Variants in TMTC4 observed in about 807,000 individuals in gnomAD.
The protein encoded by TMTC4 is transmembrane O-mannosyltransferase targeting cadherins 4.
In TMTC4, 65 loss-of-function variants were observed where a neutral mutation model predicts 86.0. The observed-to-expected ratio is 0.76, with a 90% confidence interval of 0.62 to 0.93. TMTC4 has a LOEUF of 0.93. Among genes scored for constraint, TMTC4 ranks in the 40% least tolerant of loss-of-function variants. The probability of loss-of-function intolerance (pLI) is 0.00; values close to 1 mark genes in which losing one functional copy is unlikely to be tolerated. For missense variants in TMTC4, 866 were observed against 948.1 expected (o/e 0.91, Z 1.14); for synonymous variants, 379 against 382.5 (o/e 0.99, Z 0.11).
chr13:100,623,019 G>T (rs1052955033), intron 15 of TMTC4, among the ~76,000 whole-genome samples: 15 of 152,126 alleles, frequency 9.9e-5, no homozygotes, highest in Non-Finnish European at 1.8e-4. Flanking sequence ...AACAAAGACA[G>T]TAAGACCAAA....
At chr13:100,635,321 G>A (rs911127081) in intron 10 of TMTC4, 126 bp from the exon 11 acceptor site, 1 of 1,076,564 alleles carries the variant, frequency 9.3e-7, no homozygotes, top group Non-Finnish European at 1.3e-6. Flanking sequence ...AAAAGATATT[G>A]TTGTCAGCCA....
chr13:100,628,174 A>G (rs1008474744), intron 12 of TMTC4, among the ~76,000 whole-genome samples: 18 of 152,248 alleles, frequency 1.2e-4, no homozygotes, highest in African/African-American at 2.9e-4. Flanking sequence ...GAGTTCTTTC[A>G]TTTTGCAAAT....
At chr13:100,672,471 G>C (rs138151163) in intron 1 of TMTC4, among the ~76,000 whole-genome samples, 1 of 152,236 alleles carries the variant, frequency 6.6e-6, no homozygotes, top group African/African-American at 2.4e-5. Flanking sequence ...TGGCAGAGAC[G>C]GGGGACCACC....
At chr13:100,612,662 C>T in intron 16 of TMTC4, 152 bp from the exon 17 acceptor site, 1 of 245,692 alleles carries the variant, frequency 4.1e-6, no homozygotes, top group Non-Finnish European at 8.2e-6. Context: ...AATACACACA[C>T]ACACACACAC....
At chr13:100,640,931 G>A (rs568267654) in intron 7 of TMTC4, among the ~76,000 whole-genome samples, 2 of 152,070 alleles carry the variant, frequency 1.3e-5, no homozygotes, top group African/African-American at 2.4e-5. Context: ...AAACTGGTTA[G>A]AATGGAGAAA....
chr13:100,668,456 A>G, intron 3 of TMTC4, 123 bp downstream of exon 3: 2 of 962,132 alleles, frequency 2.1e-6, no homozygotes, highest in Non-Finnish European at 3.1e-6. Context: ...AATCGAGAGC[A>G]CCATCGGGGC....
Position 100,651,072 on chromosome 13 carries a change from T to G in TMTC4, c.640+5309A>C, listed in dbSNP as rs536102688. Among the ~76,000 whole-genome samples the G allele has an allele frequency of 1.2e-3, 177 of 152,296 alleles. No homozygotes were observed. The Middle Eastern group carries it at 0.014, about 12-fold the overall frequency. On this transcript the variant is annotated intron_variant, in intron 6 of 18. Coordinates refer to ENST00000342624, the MANE Select transcript of TMTC4 (RefSeq NM_032813.5). ...ATATTATGAGTAAGAATTTAGAACT[T>G]AAAATGGTTGTTCTAGGTATATAGA...
At chr13:100,617,127 AT>A (rs35707709) in intron 15 of TMTC4, among the ~76,000 whole-genome samples, 115 of 147,654 alleles carry the variant, frequency 7.8e-4, no homozygotes, top group Admixed American at 1.3e-3. Context: ...TTCTTCTAGG[AT>A]TTTTTTTTTT....
chr13:100,653,251 T>C (rs1329406784), intron 6 of TMTC4, among the ~76,000 whole-genome samples: 1 of 152,056 alleles, frequency 6.6e-6, no homozygotes, highest in Non-Finnish European at 1.5e-5. Flanking sequence ...GTATGGAAAA[T>C]CAGAAACAGA....
rs1876588734 is a variant in TMTC4, at chr13:100,606,339, A to G, written c.2134+19T>C. On this transcript the variant is annotated intron_variant, in intron 18 of 18. Transcript: ENST00000342624. The stretch of plus-strand genomic sequence containing the variant: ...AGTAACAAAATTTCAACACGATTCA[A>G]GTTGAACATTTTTCTTACCCAAATT... 3 of 1,608,612 alleles carry G rather than the reference A, an allele frequency of 1.9e-6. No homozygotes were observed. Among genetic ancestry groups the G allele is most frequent in the Admixed American group, 1.7e-5 (1 of 59,796 alleles).
rs900593929 is a variant in TMTC4 at position 100,625,739 on chromosome 13, G to A, written c.1694+46C>T. On this transcript the variant is annotated intron_variant, in intron 14 of 18. Transcript: ENST00000342624. ...GAAAGGCTTAGATGCCGGAATGCAGGAGCTCCTTTCTTTGTCACTAGCATA... is the reference window on the plus strand; with the variant it reads ...GAAAGGCTTAGATGCCGGAATGCAGAAGCTCCTTTCTTTGTCACTAGCATA... 5 of 1,609,378 alleles carry A rather than the reference G, an allele frequency of 3.1e-6. No individual in the cohort carries two copies. The African/African-American group carries it at 6.7e-5, about 22-fold the overall frequency.
At position 100,625,544 on chromosome 13, in the gene TMTC4, G is replaced by A. The variant is rs772996234; in HGVS notation, c.1827C>T (p.Leu609=). 11 of 1,613,878 alleles carry A rather than the reference G, an allele frequency of 6.8e-6. No individual in the cohort carries two copies. The highest frequency in any genetic ancestry group is 5.0e-5 in the Admixed American group (3 of 60,006). ...GGCACCCCGCGCTTACCAGACGCCC[G>A]AGGTTGTAGTAACAGTCTGGGTATT... ...RRKYPDCYYN[L]GRLYADLNRH... The change falls in exon 15 of 19, where the codon CTC becomes CTT. Residue 609 remains leucine (L), a synonymous_variant. Transcript: ENST00000342624.
chr13:100,617,798 G>C (rs1485565070), intron 15 of TMTC4, among the ~76,000 whole-genome samples: 3 of 152,184 alleles, frequency 2.0e-5, no homozygotes, highest in African/African-American at 7.2e-5. Context: ...TTTATGCTTA[G>C]GACTGCTTTG....
chr13:100,635,162 G>A lies in TMTC4; in HGVS notation c.1236C>T (p.Ile412=). Residue 412 remains isoleucine (I), a synonymous_variant, in exon 11 of 19, where the codon ATC becomes ATT. Coordinates refer to ENST00000342624, the MANE Select transcript of TMTC4 (RefSeq NM_032813.5). ...ILTLGLGFLV[I]PFLPASNLFF... is the part of the protein sequence containing the mutation. ...ACAGGTTACTCGCGGGGAGAAATGG[G>A]ATAACGAGAAATCCCAGGCCCAGAG... 1 of 1,611,678 alleles carries A rather than the reference G, an allele frequency of 6.2e-7. No individual in the cohort carries two copies. Among genetic ancestry groups the A allele is most frequent in the Non-Finnish European group, 8.5e-7 (1 of 1,179,050 alleles).
chr13:100,673,924 T>A, intron 1 of TMTC4: 1 of 590,420 alleles, frequency 1.7e-6, no homozygotes, highest in Non-Finnish European at 2.1e-6. Flanking sequence ...TCCCCATGCA[T>A]TTATTTGCTC....
At chr13:100,644,293 C>T (rs982058832) in intron 6 of TMTC4, among the ~76,000 whole-genome samples, 6 of 151,782 alleles carry the variant, frequency 4.0e-5, no homozygotes, top group East Asian at 1.9e-4. Flanking sequence ...TTAGTAGAGA[C>T]GGGGTTTCAC....
chr13:100,646,912 T>C (rs775561126), intron 6 of TMTC4, among the ~76,000 whole-genome samples: 3 of 152,230 alleles, frequency 2.0e-5, no homozygotes, highest in Non-Finnish European at 4.4e-5. Flanking sequence ...CAGATAAGTA[T>C]TGGCAGGCAC....
At position 100,605,055 on chromosome 13, in the gene TMTC4, G is replaced by C. The variant is rs146020497; in HGVS notation, c.2222C>G (p.Thr741Ser). 2.9e-3 allele frequency: 4,673 copies of C among 1,614,070 alleles called. 13 individuals carry two copies. The highest frequency in any genetic ancestry group is 3.7e-3 in the Non-Finnish European group (4,308 of 1,180,010). Residue 741 changes from threonine to serine, a missense_variant, in exon 19 of 19, where the codon ACT becomes AGT. Thr to Ser is a moderately conservative substitution (Grantham distance 58). Transcript: ENST00000342624. This position sits in a 1 kb window ranked among gnomAD's most constrained non-coding sequence, Gnocchi z 4.3. ...TCTCAGCAGACCGTAATTCTCCTTA[G>C]TTCCTGATGCCGTGGGGTCAAGCTG... is the stretch of plus-strand genomic sequence containing the variant. ...SLQLDPTASG[T>S]KENYGLLRRK...
chr13:100,667,772 T>C (rs1886566778), intron 3 of TMTC4, among the ~76,000 whole-genome samples: 1 of 152,222 alleles, frequency 6.6e-6, no homozygotes, highest in African/African-American at 2.4e-5. Context: ...ATCTTCTGAA[T>C]AACAGATTGT....
Sources: gnomAD v4.1 joint callset for allele counts (sites outside exome capture counted in the v4.1 genomes callset) on GRCh38, gnomAD v4.1.1 for gene constraint, Gnocchi (gnomAD v3.1) non-coding constraint, MANE v1.5 for transcripts, NCBI Gene and HGNC (gene_info 2026-07-23, HGNC 2026-07-21) for gene names.